The following INSRR variants were observed in gnomAD, a reference collection of about 807,000 sequenced individuals.
INSRR encodes insulin receptor related receptor, also known as insulin receptor-related protein.
Under a neutral mutation model 130.0 loss-of-function variants are expected in INSRR, and 114 were observed. The observed-to-expected ratio is 0.88, with a 90% CI of 0.75 to 1.02. INSRR has a LOEUF of 1.02. Ranked by LOEUF, INSRR falls within the 50% of genes least tolerant of loss-of-function variation. The pLI, the probability that INSRR is intolerant of heterozygous loss-of-function variation, is 0.00. For synonymous variants in INSRR, 674 were observed against 705.2 expected, an observed-to-expected ratio of 0.96 and a Z score of 0.70; for missense variants, 1,657 against 1,735.2, an observed-to-expected ratio of 0.95 and a Z score of 0.80.
Position 156,844,492 on chromosome 1 carries a change from C to G in INSRR, c.2707G>C (p.Asp903His). ...CCAAGGATGTAGAAGGCAACACTGT[C>G]TGTCCAAGAGCCATTGCCAGCCAGT... The part of the protein sequence containing the change: ...TSLAGNGSWT[D>H]SVAFYILGPE... Residue 903 changes from aspartate (D) to histidine (H), a missense_variant, in exon 14 of 22, where the codon GAC becomes CAC. Transcript: ENST00000368195. 6.2e-7 allele frequency: 1 copy of G among 1,614,084 alleles called. No individual in the cohort carries two copies. The highest frequency in any genetic ancestry group is 1.1e-5 in the South Asian group (1 of 91,068).
chr1:156,856,148 T>C (rs752534327), intron 1 of INSRR, among the ~76,000 whole-genome samples: 1 of 152,160 alleles, frequency 6.6e-6, no homozygotes, highest in Non-Finnish European at 1.5e-5. Context: ...ATAATTTATA[T>C]ATTAACATAG....
In INSRR at chr1:156,842,457, C is replaced by G. The variant is rs755932101; in HGVS notation, c.3178G>C (p.Glu1060Gln). ...SQGQPTLVIM[E>Q]LMTRGDLKSH... ...TTGAGGTCCCCACGGGTCATTAACT[C>G]CATGATGACCAGAGTTGGCTGGCCC... Residue 1060 changes from glutamate to glutamine, a missense_variant, in exon 18 of 22, where the codon GAG (glutamate) becomes CAG (glutamine). Coordinates refer to ENST00000368195, the MANE Select transcript of INSRR (RefSeq NM_014215.3). 2.5e-5 allele frequency: 40 copies of G among 1,613,998 alleles called. No individual in the cohort carries two copies. Among genetic ancestry groups the G allele is most frequent in the Non-Finnish European group, 3.3e-5 (39 of 1,180,000 alleles).
At position 156,842,432 on chromosome 1, in the gene INSRR, T is replaced by C; in HGVS notation, c.3203A>G (p.Lys1068Arg). 1 of 1,614,130 alleles carries C rather than the reference T, an allele frequency of 6.2e-7. No homozygotes were observed. Among genetic ancestry groups the C allele is most frequent in the Non-Finnish European group, 8.5e-7 (1 of 1,180,002 alleles). ...AGGCCGCAAAGATCGAAGATGGCTCTTGAGGTCCCCACGGGTCATTAACTC... is the reference window on the plus strand; with the variant it reads ...AGGCCGCAAAGATCGAAGATGGCTCCTGAGGTCCCCACGGGTCATTAACTC... ...IMELMTRGDL[K>R]SHLRSLRPEA... Residue 1068 changes from lysine to arginine, a missense_variant, in exon 18 of 22, where the codon AAG becomes AGG. Transcript: ENST00000368195.
At position 156,846,500 on chromosome 1, in the gene INSRR, G is replaced by A. The variant is rs1434549307; in HGVS notation, c.1810+19C>T. 1 of 1,592,234 alleles carries A rather than the reference G, an allele frequency of 6.3e-7. No homozygotes were observed. The highest frequency in any genetic ancestry group is 8.6e-7 in the Non-Finnish European group (1 of 1,160,684). ...GGATGCAGGCGTCTGACTGACTCTTGCACCCTCCAAATGCCTACCTGCAGG... is the reference window on the plus strand; with the variant it reads ...GGATGCAGGCGTCTGACTGACTCTTACACCCTCCAAATGCCTACCTGCAGG... On this transcript the variant is annotated intron_variant, in intron 8 of 21. Transcript: ENST00000368195.
chr1:156,840,879 C>T lies in INSRR; in HGVS notation c.3888G>A (p.Gly1296=), dbSNP rs773635143. The change falls in exon 22 of 22, where the codon GGG becomes GGA. Residue 1296 remains glycine, a synonymous_variant. Transcript: ENST00000368195. ...CCAGGGAATGAGGTGCCCCTCAGTG[C>T]CCTGGACCCCCATTTTGAGGGCTGC... is the stretch of plus-strand genomic sequence containing the variant. ...RDCSPQNGGP[G]H 20 of 1,611,978 alleles carry T rather than the reference C, an allele frequency of 1.2e-5. No homozygotes were observed. Among genetic ancestry groups the T allele is most frequent in the Non-Finnish European group, 1.5e-5 (18 of 1,178,678 alleles).
rs1027650003 is a variant in INSRR at position 156,848,929 on chromosome 1, G to A, written c.1563C>T (p.Tyr521=). 2.5e-6 allele frequency: 4 copies of A among 1,575,580 alleles called. No homozygotes were observed. The highest frequency in any genetic ancestry group is 3.4e-6 in the Non-Finnish European group (4 of 1,160,688). The change falls in exon 7 of 22, where the codon TAC becomes TAT. Residue 521 remains tyrosine, a synonymous_variant. Transcript: ENST00000368195. ...CCGCCCCCGGCACTCACGACTCCTT[G>A]TAGTACACGATGAAGCTGAGCAGGT... The part of the protein sequence containing the change: ...ARDLLSFIVY[Y]KESPFQNATE...
chr1:156,858,523 T>G lies in INSRR; in HGVS notation c.85+14A>C. The stretch of plus-strand genomic sequence containing the variant: ...AGGGAGGTAGGGGTCTGGGAGCCAG[T>G]TCTGGGGACTCACCCTCTACTGTAT... On this transcript the variant is annotated intron_variant, in intron 1 of 21. Transcript: ENST00000368195. 6.2e-7 allele frequency: 1 copy of G among 1,610,632 alleles called. No individual in the cohort carries two copies. Among genetic ancestry groups the G allele is most frequent in the Non-Finnish European group, 8.5e-7 (1 of 1,177,092 alleles).
rs774012680 is a variant in INSRR, at chr1:156,853,974, C to T, written c.415G>A (p.Val139Met). The T allele has an allele frequency of 6.2e-7, 1 of 1,612,812 alleles. No individual in the cohort carries two copies. Among genetic ancestry groups the T allele is most frequent in the South Asian group, 1.1e-5 (1 of 90,982 alleles). The change falls in exon 2 of 22, where the codon GTG (valine) becomes ATG (methionine). Residue 139 changes from valine to methionine, a missense_variant. By Grantham distance (21) the Val-to-Met change is conservative. Coordinates refer to ENST00000368195, the MANE Select transcript of INSRR (RefSeq NM_014215.3). ...AGCTCCTGGTTCTTCTCCACACGCA[C>T]AGCCCCACGCAGCACGGCCCCAAGT... ...PALGAVLRGA[V>M]RVEKNQELCH...
chr1:156,847,244 T>C (rs954450697), intron 7 of INSRR, among the ~76,000 whole-genome samples: 2 of 152,230 alleles, frequency 1.3e-5, no homozygotes, highest in Admixed American at 1.3e-4. Flanking sequence ...TGTGTTTTTC[T>C]AGAGAGAGTG....
In INSRR at chr1:156,852,004, G is replaced by T; in HGVS notation, c.825C>A (p.Val275=). ...GCAGGCTGGCACAGCGCTCAGCTGT[G>T]ACACAGCGCCAGGACTCATACTGGT... is the stretch of plus-strand genomic sequence containing the variant. ...GTYQYESWRC[V]TAERCASLHS... is the part of the protein sequence containing the mutation. Residue 275 remains valine (V), a synonymous_variant, in exon 3 of 22, where the codon GTC becomes GTA. Coordinates refer to ENST00000368195, the MANE Select transcript of INSRR (RefSeq NM_014215.3). 1 of 1,612,976 alleles carries T rather than the reference G, an allele frequency of 6.2e-7. No individual in the cohort carries two copies. The highest frequency in any genetic ancestry group is 1.7e-5 in the Admixed American group (1 of 59,996).
At position 156,853,825 on chromosome 1, in the gene INSRR, A is replaced by T. The variant is rs758803281; in HGVS notation, c.564T>A (p.Gly188=). The T allele has an allele frequency of 6.2e-7, 1 of 1,613,692 alleles. No individual in the cohort carries two copies. Among genetic ancestry groups the T allele is most frequent in the Non-Finnish European group, 8.5e-7 (1 of 1,179,822 alleles). The part of the protein sequence containing the change: ...DVCPGVLGAA[G]EPCAKTTFSG... The stretch of plus-strand genomic sequence containing the variant: ...TGAAGGTGGTCTTGGCACAGGGCTC[A>T]CCAGCAGCACCCAGCACACCAGGGC... The change falls in exon 2 of 22, where the codon GGT becomes GGA. Residue 188 remains glycine (G), a synonymous_variant. Coordinates refer to ENST00000368195, the MANE Select transcript of INSRR (RefSeq NM_014215.3).
At chr1:156,851,211 C>A in intron 5 of INSRR, 79 bp downstream of exon 5, 1 of 1,563,338 alleles carries the variant, frequency 6.4e-7, no homozygotes, top group Non-Finnish European at 8.8e-7. Context: ...GTTCCAGAGC[C>A]CATTCTCTTC....
Position 156,841,674 on chromosome 1 carries a change from G to C in INSRR, c.3518C>G (p.Ser1173Trp). 1 of 1,614,008 alleles carries C rather than the reference G, an allele frequency of 6.2e-7. No individual in the cohort carries two copies. Among genetic ancestry groups the C allele is most frequent in the Non-Finnish European group, 8.5e-7 (1 of 1,179,910 alleles). ...TCCAGCTCGGCCCCACCAGACATCC[G>C]AGTGGGTGGTGAAGATCCCATCTTT... ...SLKDGIFTTH[S>W]DVWSFGVVLW... Residue 1173 changes from serine (S) to tryptophan (W), a missense_variant, in exon 20 of 22, where the codon TCG becomes TGG. Coordinates refer to ENST00000368195, the MANE Select transcript of INSRR (RefSeq NM_014215.3).
rs904503504 is a variant in INSRR, at chr1:156,857,572, G to T, written c.85+965C>A. Among the ~76,000 whole-genome samples, 9 of 152,208 alleles carry T rather than the reference G, an allele frequency of 5.9e-5. No individual in the cohort carries two copies. In the East Asian group the frequency reaches 1.5e-3, roughly 26 times the overall value. On this transcript the variant is annotated intron_variant, in intron 1 of 21. Coordinates refer to ENST00000368195, the MANE Select transcript of INSRR (RefSeq NM_014215.3). ...GGCATCTGCTGTGCAGAAGAGGAGG[G>T]GGTTCGGTGGTCGGGGGAGTGGTGC...
chr1:156,855,361 A>G (rs1392290702), intron 1 of INSRR, among the ~76,000 whole-genome samples: 3 of 152,066 alleles, frequency 2.0e-5, no homozygotes, highest in Non-Finnish European at 4.4e-5. Flanking sequence ...CCGCCGCCAT[A>G]CCCAGCTAAT....
At chr1:156,845,528 G>T in intron 10 of INSRR, 91 bp downstream of exon 10, 2 of 1,444,284 alleles carry the variant, frequency 1.4e-6, no homozygotes. Flanking sequence ...CACAAGCAAG[G>T]CCCCACCCAC....
At chr1:156,844,647 G>A (rs756593983) in intron 13 of INSRR, 23 bp from the exon 14 acceptor site, 2 of 1,613,802 alleles carry the variant, frequency 1.2e-6, no homozygotes, top group African/African-American at 2.7e-5. Flanking sequence ...CAGAACAGCT[G>A]GCTGGGAAGG....
Position 156,841,054 on chromosome 1 carries a change from G to A in INSRR, c.3713C>T (p.Ser1238Phe). The A allele has an allele frequency of 6.3e-7, 1 of 1,587,034 alleles. No individual in the cohort carries two copies. Among genetic ancestry groups the A allele is most frequent in the Non-Finnish European group, 8.6e-7 (1 of 1,165,924 alleles). The change falls in exon 22 of 22, where the codon TCT becomes TTT. Residue 1238 changes from serine (S) to phenylalanine (F), a missense_variant. By Grantham distance (155) the Ser-to-Phe change is radical. Coordinates refer to ENST00000368195, the MANE Select transcript of INSRR (RefSeq NM_014215.3). ...TATGCTGTCCAGAATGTGTGTGAAA[G>A]ATGGGCGCAGGCGTGGGTTCGGCTG... ...CWQPNPRLRP[S>F]FTHILDSIQE...
At chr1:156,848,462 A>G (rs1239259146) in intron 7 of INSRR, among the ~76,000 whole-genome samples, 2 of 151,918 alleles carry the variant, frequency 1.3e-5, no homozygotes, top group African/African-American at 2.4e-5. Context: ...GGGTCAGTTG[A>G]CTCTCTCCAA....
Sources: allele counts gnomAD v4.1 joint callset (sites outside exome capture counted in the v4.1 genomes callset), GRCh38; gene constraint gnomAD v4.1.1; transcripts MANE v1.5; gene names NCBI Gene and HGNC (gene_info 2026-07-23, HGNC 2026-07-21).